CDC14A: variants seen among roughly 807,000 people sequenced by gnomAD.
The protein encoded by CDC14A is dual specificity protein phosphatase CDC14A.
CDC14A carries 53 observed loss-of-function variants against 74.4 expected under a neutral mutation model. That is an observed-to-expected ratio of 0.71 (90% confidence interval 0.57 to 0.89). The LOEUF is 0.89. CDC14A is among the 40% of genes least tolerant of loss of function. CDC14A has a pLI of 0.00. For synonymous variants in CDC14A, 247 were observed against 258.4 expected (o/e 0.96, Z 0.43); for missense variants, 646 against 713.7 (o/e 0.91, Z 1.08).
intron 7 of CDC14A, among the ~76,000 whole-genome samples, chr1:100,453,158 G>T (rs1666316019): frequency 6.6e-6 from 1 of 151,904 alleles, no homozygotes; most frequent in African/African-American, 2.4e-5. Context: ...TATCTTTTTG[G>T]GTAGGAGGAT....
chr1:100,355,258 TC>T (rs1470928865), intron 2 of CDC14A, among the ~76,000 whole-genome samples: 2 of 151,926 alleles, frequency 1.3e-5, no homozygotes, highest in Non-Finnish European at 2.9e-5. Flanking sequence ...GTTTTGGGGG[TC>T]TCTCATGAGT....
chr1:100,510,351 C>A (rs994354020), intron 15 of CDC14A, among the ~76,000 whole-genome samples: 1 of 152,206 alleles, frequency 6.6e-6, no homozygotes, highest in African/African-American at 2.4e-5. Context: ...CAATAACTTG[C>A]CCAAGGTGTC....
intron 8 of CDC14A, among the ~76,000 whole-genome samples, chr1:100,456,767 C>T (rs1398416405): frequency 6.6e-6 from 1 of 151,808 alleles, no homozygotes; most frequent in Non-Finnish European, 1.5e-5. Flanking sequence ...CATTTCATAC[C>T]TGTGACATAT....
intron 3 of CDC14A, among the ~76,000 whole-genome samples, chr1:100,378,978 A>C (rs1027568378): frequency 1.3e-5 from 2 of 152,230 alleles, no homozygotes; most frequent in African/African-American, 4.8e-5. Context: ...AAACAAGAAA[A>C]GGATAATTAA....
At chr1:100,345,685 T>C (rs1650349939) in intron 1 of CDC14A, among the ~76,000 whole-genome samples, 1 of 152,226 alleles carries the variant, frequency 6.6e-6, no homozygotes, top group South Asian at 2.1e-4. Flanking sequence ...TGAGCATGTA[T>C]TTTGTGTGTT....
chr1:100,451,833 G>C (rs896175906), intron 7 of CDC14A, among the ~76,000 whole-genome samples: 1 of 152,208 alleles, frequency 6.6e-6, no homozygotes, highest in African/African-American at 2.4e-5. Flanking sequence ...GTTTAACACA[G>C]AGTCAGTGGT....
chr1:100,518,353 G>A lies in CDC14A; in HGVS notation c.*73G>A. On this transcript the variant is annotated 3_prime_UTR_variant, in exon 16 of 16. Coordinates refer to ENST00000336454, the MANE Select transcript of CDC14A (RefSeq NM_003672.4). ...TTCATCTGGACGAGCAGTGGAGAGGGAAAGCAACTTCTTGCTGGAAGAATA... is the reference window on the plus strand; with the variant it reads ...TTCATCTGGACGAGCAGTGGAGAGGAAAAGCAACTTCTTGCTGGAAGAATA... The A allele has an allele frequency of 8.4e-7, 1 of 1,191,764 alleles. No individual in the cohort carries two copies. The highest frequency in any genetic ancestry group is 1.3e-6 in the Non-Finnish European group (1 of 798,540). The allele number at this position is 1,191,764 out of a possible 1,614,324, so 73.8% of individuals were successfully genotyped here.
At chr1:100,462,054 T>G (rs961938317) in intron 8 of CDC14A, among the ~76,000 whole-genome samples, 2 of 152,232 alleles carry the variant, frequency 1.3e-5, no homozygotes, top group Non-Finnish European at 2.9e-5. Flanking sequence ...AAATTTTGTT[T>G]TCTTTGACCA....
At chr1:100,363,673 C>T (rs1317896186) in intron 2 of CDC14A, among the ~76,000 whole-genome samples, 1 of 149,434 alleles carries the variant, frequency 6.7e-6, no homozygotes, top group Non-Finnish European at 1.5e-5. Context: ...TAGTTTATTT[C>T]AAATTTGGTC....
At position 100,353,009 on chromosome 1, in the gene CDC14A, G is replaced by A. The variant is rs752605417; in HGVS notation, c.49+6G>A. 23 of 1,613,936 alleles carry A rather than the reference G, an allele frequency of 1.4e-5. No homozygotes were observed. The highest frequency in any genetic ancestry group is 1.7e-5 in the Non-Finnish European group (20 of 1,179,956). On this transcript the variant is annotated splice_donor_region_variant and intron_variant, in intron 1 of 15. Transcript: ENST00000336454. ...GGCTTGTGAGTTCATGAAAGGTGAG[G>A]AGCAGCCGCCCCGCATCTTCCAACG... is the stretch of plus-strand genomic sequence containing the variant.
intron 8 of CDC14A, among the ~76,000 whole-genome samples, chr1:100,456,208 A>T (rs1290143210): frequency 6.6e-6 from 1 of 152,254 alleles, no homozygotes; most frequent in Non-Finnish European, 1.5e-5. Flanking sequence ...TGCCATGGGC[A>T]TACATATTTA....
At chr1:100,420,056 A>AC (rs1488813990) in intron 4 of CDC14A, among the ~76,000 whole-genome samples, 1 of 54,354 alleles carries the variant, frequency 1.8e-5, no homozygotes, top group African/African-American at 4.1e-5. Context: ...ACACACACAC[A>AC]CACACACATA....
intron 3 of CDC14A, among the ~76,000 whole-genome samples, chr1:100,381,369 A>G (rs1656071681): frequency 6.6e-6 from 1 of 152,158 alleles, no homozygotes; most frequent in Non-Finnish European, 1.5e-5. Context: ...AAACTCCTTT[A>G]CTTCTCTGAG....
At chr1:100,482,811 G>A (rs1056818320) in intron 10 of CDC14A, among the ~76,000 whole-genome samples, 5 of 151,568 alleles carry the variant, frequency 3.3e-5, no homozygotes, top group South Asian at 2.1e-4. Flanking sequence ...GAGAGATATC[G>A]AAAGATATAG....
At chr1:100,363,525 A>C (rs748984824) in intron 2 of CDC14A, among the ~76,000 whole-genome samples, 3 of 152,020 alleles carry the variant, frequency 2.0e-5, no homozygotes, top group Non-Finnish European at 4.4e-5. Flanking sequence ...TTTGAATAAG[A>C]TATTTCCTTT....
chr1:100,444,644 C>A (rs1489282897), intron 7 of CDC14A, among the ~76,000 whole-genome samples: 1 of 152,202 alleles, frequency 6.6e-6, no homozygotes, highest in African/African-American at 2.4e-5. Flanking sequence ...ACCTCCCGCT[C>A]CTCCATTTCG....
chr1:100,360,738 G>A (rs140803015), intron 2 of CDC14A, among the ~76,000 whole-genome samples: 52 of 152,210 alleles, frequency 3.4e-4, no homozygotes, highest in African/African-American at 1.1e-3. Flanking sequence ...TTAGGCATTC[G>A]GTGTAGAGTT....
intron 4 of CDC14A, among the ~76,000 whole-genome samples, chr1:100,414,731 C>T (rs543532819): frequency 6.6e-6 from 1 of 152,162 alleles, no homozygotes; most frequent in South Asian, 2.1e-4. Context: ...TAAGGACTAC[C>T]TTTTGATGAT....
intron 4 of CDC14A, among the ~76,000 whole-genome samples, chr1:100,403,824 C>A (rs748534410): frequency 3.3e-5 from 5 of 152,106 alleles, no homozygotes; most frequent in African/African-American, 7.2e-5. Context: ...GAGGAGCCAG[C>A]GCTGAGCCTG....
Sources: allele counts gnomAD v4.1 joint callset (sites outside exome capture counted in the v4.1 genomes callset), GRCh38; gene constraint gnomAD v4.1.1; transcripts MANE v1.5; gene names NCBI Gene and HGNC (gene_info 2026-07-23, HGNC 2026-07-21).